Variants in CNTNAP3B observed in about 807,000 individuals in gnomAD.
CNTNAP3B encodes contactin-associated protein-like 3B.
CNTNAP3B carries 25 observed loss-of-function variants against 108.9 expected under a neutral mutation model. The ratio of observed to expected loss-of-function variants is 0.23; its 90% CI spans 0.17 to 0.32. CNTNAP3B has a LOEUF of 0.32. Among genes scored for constraint, CNTNAP3B ranks in the 10% least tolerant of loss-of-function variants. The probability of loss-of-function intolerance (pLI) is 1.00; values close to 1 mark genes in which losing one functional copy is unlikely to be tolerated. For synonymous variants in CNTNAP3B, 103 were observed against 473.4 expected, an observed-to-expected ratio of 0.22 and a Z score of 10.16; for missense variants, 252 against 1,210.4, an observed-to-expected ratio of 0.21 and a Z score of 11.75.
intron 13 of CNTNAP3B, among the ~76,000 whole-genome samples, chr9:41,939,911 G>C (rs1173703966): frequency 1.3e-5 from 2 of 151,866 alleles, no homozygotes; most frequent in African/African-American, 4.8e-5. Context: ...GACAACCGAA[G>C]AGAATTCTGA....
intron 10 of CNTNAP3B, among the ~76,000 whole-genome samples, chr9:41,966,780 A>G (rs1214246408): frequency 1.3e-5 from 2 of 151,678 alleles, no homozygotes; most frequent in African/African-American, 4.9e-5. Context: ...ATCCTGGCTA[A>G]CACGGTGAAA....
intron 3 of CNTNAP3B, among the ~76,000 whole-genome samples, chr9:42,024,675 A>AG (rs1217977960): frequency 7.3e-6 from 1 of 137,606 alleles, no homozygotes; most frequent in Non-Finnish European, 1.6e-5. Context: ...TTCACAAAAA[A>AG]AAAAAAAAAG....
chr9:42,044,630 C>T (rs970686652), intron 3 of CNTNAP3B, among the ~76,000 whole-genome samples: 10 of 144,346 alleles, frequency 6.9e-5, no homozygotes, highest in South Asian at 2.2e-4. Context: ...CCGACTCAGA[C>T]GGGGTCCGAA....
intron 14 of CNTNAP3B, among the ~76,000 whole-genome samples, chr9:41,934,122 T>TATATATATATACACACAC (rs1214326050): frequency 4.5e-4 from 33 of 73,458 alleles, no homozygotes; most frequent in Non-Finnish European, 6.8e-4. Flanking sequence ...TATATATATA[T>TATATATATATACACACAC]ACACACACAT....
chr9:42,103,383 A>G (rs1420913139), intron 2 of CNTNAP3B, among the ~76,000 whole-genome samples: 1 of 142,468 alleles, frequency 7.0e-6, no homozygotes, highest in Non-Finnish European at 1.5e-5. Flanking sequence ...AAATGTGCTC[A>G]AATACAGAAA....
At chr9:42,087,333 A>C (rs1404494807) in intron 2 of CNTNAP3B, among the ~76,000 whole-genome samples, 2 of 134,838 alleles carry the variant, frequency 1.5e-5, no homozygotes, top group African/African-American at 5.7e-5. Context: ...AAGACTACAA[A>C]GGCCTAAAAG....
intron 14 of CNTNAP3B, among the ~76,000 whole-genome samples, chr9:41,934,100 CAT>C (rs1186532915): frequency 9.2e-4 from 83 of 90,198 alleles, no homozygotes; most frequent in South Asian, 2.3e-3. Flanking sequence ...ATATTTGTTA[CAT>C]ATATATATAT....
intron 1 of CNTNAP3B, among the ~76,000 whole-genome samples, chr9:42,128,067 G>A (rs1016743452): frequency 2.2e-5 from 3 of 138,806 alleles, no homozygotes; most frequent in Non-Finnish European, 3.1e-5. Flanking sequence ...TTGAGAAGGA[G>A]GAGGAAGACA....
chr9:41,961,681 A>G (rs1483903350), intron 11 of CNTNAP3B, among the ~76,000 whole-genome samples: 3 of 152,300 alleles, frequency 2.0e-5, no homozygotes, highest in Non-Finnish European at 2.9e-5. Flanking sequence ...TTAAAAAATA[A>G]TTAAAGCTGA....
chr9:41,999,608 G>C (rs1825962209), intron 4 of CNTNAP3B, among the ~76,000 whole-genome samples: 2 of 111,536 alleles, frequency 1.8e-5, no homozygotes, highest in Non-Finnish European at 3.6e-5. Context: ...TCTCTGGAGA[G>C]CCCTGACTGA....
chr9:42,020,699 AGT>A (rs1184450405), intron 3 of CNTNAP3B, among the ~76,000 whole-genome samples: 7 of 144,890 alleles, frequency 4.8e-5, no homozygotes, highest in Middle Eastern at 3.5e-3. Flanking sequence ...AGTATTTACC[AGT>A]GTTTAACACA....
At chr9:42,103,609 C>T (rs1395696739) in intron 2 of CNTNAP3B, among the ~76,000 whole-genome samples, 1 of 107,902 alleles carries the variant, frequency 9.3e-6, no homozygotes, top group Non-Finnish European at 1.9e-5. Context: ...GTGGCGGGTG[C>T]CTGTAGTCCT....
chr9:42,054,795 T>C (rs1827029285), intron 3 of CNTNAP3B, among the ~76,000 whole-genome samples: 1 of 151,638 alleles, frequency 6.6e-6, no homozygotes. Flanking sequence ...GGATGACATT[T>C]AACTTGAGAT....
rs188776790 is a variant in CNTNAP3B, at chr9:42,116,932, C to T, written c.85+12078G>A. Among the ~76,000 whole-genome samples, 2 of 139,000 alleles carry T rather than the reference C, an allele frequency of 1.4e-5. 1 individual carries two copies. Among genetic ancestry groups the T allele is most frequent in the Admixed American group, 1.4e-4 (2 of 13,980 alleles). The allele number at this position is 139,000 out of a possible 152,430, so 91.2% of individuals were successfully genotyped here. ...AAAGATCAAAAGAGACAAAGAAGGC[C>T]ATTACATAATTGTAAAGGGATCAAT... On this transcript the variant is annotated intron_variant, in intron 1 of 23. Transcript: ENST00000377561.
chr9:41,916,020 C>G (rs1823508204), intron 18 of CNTNAP3B, among the ~76,000 whole-genome samples: 1 of 151,502 alleles, frequency 6.6e-6, no homozygotes, highest in Non-Finnish European at 1.5e-5. Context: ...TCTTTTGGAA[C>G]TATTTTTATG....
intron 14 of CNTNAP3B, among the ~76,000 whole-genome samples, chr9:41,933,646 C>A (rs1278395802): frequency 1.3e-5 from 2 of 152,292 alleles, no homozygotes; most frequent in Non-Finnish European, 2.9e-5. Context: ...ACTGAACTCT[C>A]ATTTTTCCTG....
intron 2 of CNTNAP3B, among the ~76,000 whole-genome samples, chr9:42,088,418 AT>A (rs1295586406): frequency 7.2e-6 from 1 of 139,410 alleles, no homozygotes; most frequent in Non-Finnish European, 1.5e-5. Context: ...TAACATCCTT[AT>A]GAATATTTTG....
intron 13 of CNTNAP3B, among the ~76,000 whole-genome samples, chr9:41,944,479 T>C (rs1283077245): frequency 2.6e-5 from 4 of 152,388 alleles, no homozygotes; most frequent in East Asian, 3.9e-4. Context: ...TATTTGAAAG[T>C]AGATTGTTAT....
intron 14 of CNTNAP3B, among the ~76,000 whole-genome samples, chr9:41,936,161 C>T (rs1824150424): frequency 6.6e-6 from 1 of 152,296 alleles, no homozygotes; most frequent in Non-Finnish European, 1.5e-5. Flanking sequence ...GCTGTAATCC[C>T]AGTTACTCGG....
Sources: gnomAD v4.1 joint callset for allele counts (sites outside exome capture counted in the v4.1 genomes callset) on GRCh38, gnomAD v4.1.1 for gene constraint, MANE v1.5 for transcripts, NCBI Gene and HGNC (gene_info 2026-07-23, HGNC 2026-07-21) for gene names.